The following BIN1 variants were observed in gnomAD, a reference collection of about 807,000 sequenced individuals.
BIN1 encodes bridging integrator 1.
Under a neutral mutation model 82.0 loss-of-function variants are expected in BIN1, and 53 were observed. That is an observed-to-expected ratio of 0.65 (90% CI 0.52 to 0.81). The LOEUF (loss-of-function observed/expected upper bound fraction) is 0.81, where lower values mean the gene tolerates loss of function less well. Among genes scored for constraint, BIN1 ranks in the 40% least tolerant of loss-of-function variants. The pLI is 0.00. For synonymous variants in BIN1, 302 were observed against 328.0 expected, an observed-to-expected ratio of 0.92 and a Z score of 0.86; for missense variants, 642 against 784.4, an observed-to-expected ratio of 0.82 and a Z score of 2.17.
intron 1 of BIN1, among the ~76,000 whole-genome samples, chr2:127,087,922 C>T (rs951632887): frequency 1.3e-5 from 2 of 152,208 alleles, no homozygotes; most frequent in Non-Finnish European, 2.9e-5. Context: ...CAGGTGTCCA[C>T]CAGCAAACAG....
chr2:127,089,448 T>C (rs1202753677), intron 1 of BIN1, among the ~76,000 whole-genome samples: 1 of 152,106 alleles, frequency 6.6e-6, no homozygotes, highest in African/African-American at 2.4e-5. Context: ...GGGGACTCTG[T>C]GATCTGAGCT....
chr2:127,053,695 T>C (rs1683264002), intron 13 of BIN1: 2 of 705,314 alleles, frequency 2.8e-6, no homozygotes, highest in Non-Finnish European at 5.0e-6. Context: ...CCAGGAAGTG[T>C]TCAGTAACCC....
chr2:127,094,547 C>T (rs900127599), intron 1 of BIN1, among the ~76,000 whole-genome samples: 1 of 152,012 alleles, frequency 6.6e-6, no homozygotes, highest in Admixed American at 6.5e-5. Flanking sequence ...CTGGGAGCTC[C>T]GGTCCCTCTG....
At chr2:127,079,363 G>A (rs1687013586) in intron 1 of BIN1, among the ~76,000 whole-genome samples, 1 of 152,342 alleles carries the variant, frequency 6.6e-6, no homozygotes, top group Admixed American at 6.5e-5. Flanking sequence ...AGCAGTACCT[G>A]GCCCATGATA....
intron 1 of BIN1, among the ~76,000 whole-genome samples, chr2:127,105,466 TCC>T: frequency 1.2e-5 from 1 of 83,248 alleles, no homozygotes; most frequent in Non-Finnish European, 2.3e-5. Flanking sequence ...GGGGCTTTAA[TCC>T]CTCCTCCTCC....
At chr2:127,094,523 G>A (rs886830028) in intron 1 of BIN1, among the ~76,000 whole-genome samples, 3 of 145,642 alleles carry the variant, frequency 2.1e-5, no homozygotes, top group Non-Finnish European at 3.1e-5. Context: ...TGCTAGCCAG[G>A]AGGCCAGTGC....
intron 14 of BIN1, chr2:127,053,217 G>T: frequency 1.4e-6 from 1 of 708,620 alleles, no homozygotes; most frequent in Non-Finnish European, 2.5e-6. Flanking sequence ...CTTTTCCAAG[G>T]GCCTGCCAGA....
intron 11 of BIN1, among the ~76,000 whole-genome samples, chr2:127,058,300 G>T (rs558368022): frequency 3.7e-4 from 57 of 152,328 alleles, no homozygotes; most frequent in Non-Finnish European, 5.9e-4. Flanking sequence ...CCAGGCCGGG[G>T]GAAGTGCTGT....
intron 1 of BIN1, among the ~76,000 whole-genome samples, chr2:127,087,242 C>T (rs1190309913): frequency 6.6e-6 from 1 of 152,172 alleles, no homozygotes; most frequent in Non-Finnish European, 1.5e-5. Flanking sequence ...GGCAGCCCAG[C>T]CCCGCCCCTG....
chr2:127,064,812 G>A (rs1238237993), intron 7 of BIN1: 1 of 153,396 alleles, frequency 6.5e-6, no homozygotes. Context: ...CGGCCACAGA[G>A]TGCTGGGGAA....
chr2:127,083,983 G>C (rs1048680687), intron 1 of BIN1, among the ~76,000 whole-genome samples: 7 of 152,216 alleles, frequency 4.6e-5, no homozygotes, highest in Non-Finnish European at 1.0e-4. Context: ...GGAAAGGAAG[G>C]TCACTTTTCT....
At chr2:127,050,307 G>A in intron 18 of BIN1, 114 bp downstream of exon 18, 1 of 1,107,108 alleles carries the variant, frequency 9.0e-7, no homozygotes, top group Non-Finnish European at 1.4e-6. Flanking sequence ...CGGGAGCCCT[G>A]GTGCTCGCGG....
chr2:127,053,498 G>C, intron 13 of BIN1, 53 bp from the exon 14 acceptor site: 2 of 1,605,888 alleles, frequency 1.2e-6, no homozygotes, highest in Non-Finnish European at 1.7e-6. Flanking sequence ...GTTAGAGACA[G>C]GGCGGCAAGC....
At chr2:127,049,903 C>A (rs1682661822) in intron 18 of BIN1, among the ~76,000 whole-genome samples, 1 of 152,228 alleles carries the variant, frequency 6.6e-6, no homozygotes, top group Non-Finnish European at 1.5e-5. Context: ...TGAGCCTCAG[C>A]CGGGGACACA....
intron 1 of BIN1, among the ~76,000 whole-genome samples, chr2:127,085,974 G>A (rs1004103185): frequency 6.6e-6 from 1 of 152,200 alleles, no homozygotes; most frequent in Non-Finnish European, 1.5e-5. Flanking sequence ...ATGGAGCCCA[G>A]TTGAGGCCCC....
chr2:127,060,462 A>G, intron 10 of BIN1: 1 of 1,347,146 alleles, frequency 7.4e-7, no homozygotes, highest in Non-Finnish European at 1.1e-6. Context: ...CGCACACGAC[A>G]GCCCTGCCGG....
rs1247198046 is a variant in BIN1 at position 127,090,693 on chromosome 2, G to C, written c.85-13987C>G. Among the ~76,000 whole-genome samples, 4 of 152,218 alleles carry C rather than the reference G, an allele frequency of 2.6e-5. No homozygotes were observed. Among genetic ancestry groups the C allele is most frequent in the Non-Finnish European group, 5.9e-5 (4 of 68,044 alleles). ...AGCCCCAGCCAGGGCACAGCTGTGG[G>C]TGGGGGGCGGTGGCAGCTCCCCAGC... On this transcript the variant is annotated intron_variant, in intron 1 of 18. Transcript: ENST00000316724. The surrounding 1 kb of genome is among the most constrained non-coding windows in gnomAD (Gnocchi z 6.4).
At position 127,051,220 on chromosome 2, in the gene BIN1, C is replaced by T. The variant is rs765870974; in HGVS notation, c.1395G>A (p.Ala465=). 15 of 1,613,678 alleles carry T rather than the reference C, an allele frequency of 9.3e-6. No homozygotes were observed. Among genetic ancestry groups the T allele is most frequent in the African/African-American group, 1.3e-5 (1 of 74,934 alleles). Residue 465 remains alanine (A), a synonymous_variant, in exon 16 of 19, where the codon GCG becomes GCA. Coordinates refer to ENST00000316724, the MANE Select transcript of BIN1 (RefSeq NM_139343.3). Reference sequence around the variant, plus strand: ...CTCCAGCCGCAGGTTGGGTCCCACCCGCCACCTCCGAGGCCTCTGCTGGCT... The same window carrying T: ...CTCCAGCCGCAGGTTGGGTCCCACCTGCCACCTCCGAGGCCTCTGCTGGCT... ...PAQPAEASEV[A]GGTQPAAGAQ...
chr2:127,051,309 G>A, intron 15 of BIN1, 66 bp from the exon 16 acceptor site: 1 of 1,547,182 alleles, frequency 6.5e-7, no homozygotes, highest in Non-Finnish European at 8.9e-7. Context: ...CAGGAAACAG[G>A]CCACAGGAGG....
Sources: allele counts gnomAD v4.1 joint callset (sites outside exome capture counted in the v4.1 genomes callset), GRCh38; gene constraint gnomAD v4.1.1; non-coding constraint Gnocchi (gnomAD v3.1); transcripts MANE v1.5; gene names NCBI Gene and HGNC (gene_info 2026-07-23, HGNC 2026-07-21).